The following MAST4 variants were observed in gnomAD, a reference collection of about 807,000 sequenced individuals.
MAST4 encodes the protein microtubule associated serine/threonine kinase family member 4, also known as microtubule-associated serine/threonine-protein kinase 4.
Under a neutral mutation model 162.7 loss-of-function variants are expected in MAST4, and 89 were observed. The ratio of observed to expected loss-of-function variants is 0.55; its 90% CI spans 0.46 to 0.65. The LOEUF is 0.65. Ranked by LOEUF, MAST4 falls within the 30% of genes least tolerant of loss-of-function variation. MAST4 has a pLI of 0.00. For missense variants in MAST4, 3,153 were observed against 3,374.0 expected, an observed-to-expected ratio of 0.93 and a Z score of 1.62; for synonymous variants, 1,479 against 1,361.1, an observed-to-expected ratio of 1.09 and a Z score of -1.91.
At chr5:66,809,023 A>G (rs1756344382) in intron 3 of MAST4, among the ~76,000 whole-genome samples, 1 of 152,146 alleles carries the variant, frequency 6.6e-6, no homozygotes, top group Non-Finnish European at 1.5e-5. Flanking sequence ...TGAGACCTAG[A>G]ATTTCTCCTT....
chr5:66,644,280 TG>T (rs1436253292), intron 1 of MAST4, among the ~76,000 whole-genome samples: 2 of 152,186 alleles, frequency 1.3e-5, no homozygotes, highest in Non-Finnish European at 2.9e-5. Flanking sequence ...TTCATTTCTC[TG>T]GGGATTATAT....
intron 12 of MAST4, chr5:67,114,647 G>T: frequency 5.6e-6 from 1 of 179,552 alleles, no homozygotes; most frequent in Non-Finnish European, 1.2e-5. Context: ...ATTGATGGTA[G>T]ATTACTTTAA....
chr5:67,030,451 T>C (rs1755167432), intron 4 of MAST4, among the ~76,000 whole-genome samples: 1 of 152,162 alleles, frequency 6.6e-6, no homozygotes, highest in Non-Finnish European at 1.5e-5. Flanking sequence ...TTTGAAGAGG[T>C]AACCATAGCA....
At chr5:66,848,592 T>C (rs964138560) in intron 3 of MAST4, among the ~76,000 whole-genome samples, 2 of 152,250 alleles carry the variant, frequency 1.3e-5, no homozygotes, top group Admixed American at 6.5e-5. Flanking sequence ...CTTTATATTG[T>C]TATTGCCTTT....
intron 1 of MAST4, among the ~76,000 whole-genome samples, chr5:66,693,262 T>C (rs1461765594): frequency 6.6e-6 from 1 of 152,214 alleles, no homozygotes; most frequent in Non-Finnish European, 1.5e-5. Context: ...GTTTTACAAA[T>C]GTTGACTGTG....
At chr5:66,663,454 G>A (rs1233658824) in intron 1 of MAST4, among the ~76,000 whole-genome samples, 3 of 152,194 alleles carry the variant, frequency 2.0e-5, no homozygotes, top group Non-Finnish European at 4.4e-5. Context: ...GAGATAGCGA[G>A]TGATGAGAAG....
chr5:66,982,436 T>C (rs566632036), intron 4 of MAST4, among the ~76,000 whole-genome samples: 1 of 152,176 alleles, frequency 6.6e-6, no homozygotes, highest in Non-Finnish European at 1.5e-5. Context: ...CTAGGAAAAT[T>C]ATGTCATAAA....
At chr5:67,123,539 G>A (rs1767829174) in intron 14 of MAST4, among the ~76,000 whole-genome samples, 1 of 152,046 alleles carries the variant, frequency 6.6e-6, no homozygotes, top group South Asian at 2.1e-4. Flanking sequence ...TCACATGTAG[G>A]GAAGGAGAGG....
intron 2 of MAST4, among the ~76,000 whole-genome samples, chr5:66,783,878 C>A (rs1274074065): frequency 6.6e-6 from 1 of 152,004 alleles, no homozygotes; most frequent in African/African-American, 2.4e-5. Flanking sequence ...TGTTCCCCAG[C>A]AATGGGTGCT....
chr5:66,674,568 C>T (rs1164839739), intron 1 of MAST4, among the ~76,000 whole-genome samples: 1 of 152,192 alleles, frequency 6.6e-6, no homozygotes, highest in African/African-American at 2.4e-5. Context: ...AGACGAATAG[C>T]ACCTTTCAGT....
intron 4 of MAST4, among the ~76,000 whole-genome samples, chr5:66,931,207 C>A (rs1400005857): frequency 6.6e-6 from 1 of 152,094 alleles, no homozygotes; most frequent in Non-Finnish European, 1.5e-5. Flanking sequence ...TTTATACTTA[C>A]CGAAGTATAT....
intron 4 of MAST4, among the ~76,000 whole-genome samples, chr5:66,914,018 T>C (rs1486919418): frequency 1.3e-5 from 2 of 152,234 alleles, no homozygotes; most frequent in East Asian, 3.8e-4. Flanking sequence ...TCTTGATTAT[T>C]ATAGCTTTAT....
chr5:67,078,596 G>A (rs1221876596), intron 5 of MAST4, among the ~76,000 whole-genome samples: 1 of 143,832 alleles, frequency 7.0e-6, no homozygotes, highest in African/African-American at 2.5e-5. Flanking sequence ...TTTTTGTCAA[G>A]TCAATAAAGC....
At chr5:66,618,274 T>G (rs895257130) in intron 1 of MAST4, among the ~76,000 whole-genome samples, 1 of 152,214 alleles carries the variant, frequency 6.6e-6, no homozygotes, top group Non-Finnish European at 1.5e-5. Context: ...AGTAGCCCCA[T>G]TTTATAGGTG....
At chr5:66,794,895 A>C (rs1222132607) in intron 3 of MAST4, among the ~76,000 whole-genome samples, 1 of 152,236 alleles carries the variant, frequency 6.6e-6, no homozygotes, top group Non-Finnish European at 1.5e-5. Flanking sequence ...GCCTTGATGA[A>C]TATTCATCTT....
At chr5:66,823,313 T>A (rs1324609388) in intron 3 of MAST4, among the ~76,000 whole-genome samples, 2 of 152,246 alleles carry the variant, frequency 1.3e-5, no homozygotes, top group Non-Finnish European at 2.9e-5. Flanking sequence ...CTACCTTGGC[T>A]TGGCTGTGGA....
intron 1 of MAST4, among the ~76,000 whole-genome samples, chr5:66,606,908 G>A (rs1268011567): frequency 2.6e-5 from 4 of 151,894 alleles, no homozygotes; most frequent in African/African-American, 7.3e-5. Flanking sequence ...TATTAAATGA[G>A]TATATGAATT....
chr5:66,975,760 G>A (rs1189822549), intron 4 of MAST4, among the ~76,000 whole-genome samples: 2 of 152,106 alleles, frequency 1.3e-5, no homozygotes, highest in South Asian at 2.1e-4. Context: ...TTGGGAGGCC[G>A]AAGCAGGTGG....
intron 5 of MAST4, among the ~76,000 whole-genome samples, chr5:67,067,489 A>G (rs1337231442): frequency 2.0e-5 from 3 of 152,216 alleles, no homozygotes; most frequent in Non-Finnish European, 4.4e-5. Context: ...ATAGCTAGAA[A>G]TTTGTAGCTA....
Sources: allele counts gnomAD v4.1 joint callset (sites outside exome capture counted in the v4.1 genomes callset), GRCh38; gene constraint gnomAD v4.1.1; transcripts MANE v1.5; gene names NCBI Gene and HGNC (gene_info 2026-07-23, HGNC 2026-07-21).